TMEM164: variants seen among roughly 807,000 people sequenced by gnomAD.
TMEM164 encodes the protein transmembrane protein 164, also known as RP13-360B22.2.
In TMEM164, 4 loss-of-function variants were observed where a neutral mutation model predicts 18.8. The observed-to-expected ratio is 0.21, with a 90% CI of 0.10 to 0.49. The LOEUF (loss-of-function observed/expected upper bound fraction) is 0.49, where lower values mean the gene tolerates loss of function less well. Among genes scored for constraint, TMEM164 ranks in the 20% least tolerant of loss-of-function variants. TMEM164 has a pLI of 0.98. For missense variants in TMEM164, 108 were observed against 239.9 expected, an observed-to-expected ratio of 0.45 and a Z score of 3.63; for synonymous variants, 86 against 101.7, an observed-to-expected ratio of 0.85 and a Z score of 0.93.
chrX:110,047,398 T>G (rs1257959728), intron 2 of TMEM164, among the ~76,000 whole-genome samples: 1 of 112,330 alleles, frequency 8.9e-6, no homozygotes, highest in Non-Finnish European at 1.9e-5. Flanking sequence ...AGACTTGGCT[T>G]GCATCCGTGT....
Position 110,084,431 on chromosome X carries a change from G to C in TMEM164, c.440+17035G>C, listed in dbSNP as rs1297849747. On this transcript the variant is annotated intron_variant, in intron 3 of 6. Coordinates refer to ENST00000372068, the MANE Select transcript of TMEM164 (RefSeq NM_032227.4). ...ATATAGTGTATATATATATAGTATAGTATATATATATAGTATATATATATA... is the reference window on the plus strand; with the variant it reads ...ATATAGTGTATATATATATAGTATACTATATATATATAGTATATATATATA... Among the ~76,000 whole-genome samples the C allele has an allele frequency of 2.2e-3, 154 of 69,752 alleles. 1 individual carries two copies. Among genetic ancestry groups the C allele is most frequent in the African/African-American group, 8.2e-3 (146 of 17,806 alleles). 60.6% of individuals were successfully genotyped at this position (69,752 alleles called of 115,157 possible).
At chrX:110,033,704 A>ATCGG (rs1934628389) in intron 2 of TMEM164, among the ~76,000 whole-genome samples, 1 of 111,419 alleles carries the variant, frequency 9.0e-6, no homozygotes, top group Non-Finnish European at 1.9e-5. Flanking sequence ...GAGGGTGGGT[A>ATCGG]GATCTAAGGA....
chrX:110,034,786 C>G (rs1242514945), intron 2 of TMEM164, among the ~76,000 whole-genome samples: 4 of 102,920 alleles, frequency 3.9e-5, no homozygotes, highest in African/African-American at 1.4e-4. Flanking sequence ...TTTATTGCGG[C>G]ACTATTCACA....
At chrX:110,022,242 G>C (rs1325955083) in intron 2 of TMEM164, among the ~76,000 whole-genome samples, 1 of 109,327 alleles carries the variant, frequency 9.1e-6, no homozygotes, top group African/African-American at 3.5e-5. Flanking sequence ...TCTCAATATA[G>C]TTATTTCCTC....
chrX:110,140,547 G>A (rs962173754), intron 4 of TMEM164, among the ~76,000 whole-genome samples: 20 of 111,465 alleles, frequency 1.8e-4, no homozygotes, highest in African/African-American at 6.2e-4. Flanking sequence ...TGTAGAGTGG[G>A]AGGAAGGAGG....
chrX:110,003,113 C>A (rs1332228346), upstream of TMEM164: 1 of 112,332 alleles, frequency 8.9e-6, no homozygotes, highest in Non-Finnish European at 1.9e-5. Context: ...CCGTCGGCGG[C>A]GAAGTTGCTA....
At chrX:110,172,889 G>A (rs973105812) in intron 6 of TMEM164, among the ~76,000 whole-genome samples, 4 of 112,059 alleles carry the variant, frequency 3.6e-5, no homozygotes, top group African/African-American at 1.3e-4. Context: ...TTGCAGTTAC[G>A]TGGAGGCAGG....
At chrX:110,128,348 C>G (rs2066564301) in intron 4 of TMEM164, among the ~76,000 whole-genome samples, 1 of 112,456 alleles carries the variant, frequency 8.9e-6, no homozygotes, top group African/African-American at 3.2e-5. Context: ...AAGGTTCATT[C>G]ATAATACAGG....
intron 2 of TMEM164, among the ~76,000 whole-genome samples, chrX:110,045,342 GT>G (rs1366994654): frequency 8.9e-6 from 1 of 112,069 alleles, no homozygotes; most frequent in Non-Finnish European, 1.9e-5. Flanking sequence ...AGGGGGCTAA[GT>G]TTTTAGGGTT....
intron 3 of TMEM164, among the ~76,000 whole-genome samples, chrX:110,088,162 C>T (rs1183050988): frequency 3.6e-5 from 4 of 112,132 alleles, no homozygotes; most frequent in African/African-American, 1.3e-4. Context: ...ATTCAGACCT[C>T]AGGTCTCTAG....
At chrX:110,049,870 T>G (rs1935474216) in intron 2 of TMEM164, among the ~76,000 whole-genome samples, 1 of 111,093 alleles carries the variant, frequency 9.0e-6, no homozygotes, top group Non-Finnish European at 1.9e-5. Flanking sequence ...TAGGACACAC[T>G]TCAGGAGTCC....
At chrX:110,022,497 A>G (rs1357347683) in intron 2 of TMEM164, among the ~76,000 whole-genome samples, 1 of 111,227 alleles carries the variant, frequency 9.0e-6, no homozygotes, top group Non-Finnish European at 1.9e-5. Context: ...GCATATAGGT[A>G]TTTGATCATT....
chrX:110,055,766 G>A (rs1264925075), intron 2 of TMEM164, among the ~76,000 whole-genome samples: 6 of 111,150 alleles, frequency 5.4e-5, no homozygotes. Flanking sequence ...TGAGTCAGGA[G>A]GAGAGAATCT....
rs1936069281 is a variant in TMEM164, at chrX:110,060,383, T to C, written c.391-6964T>C. 1.8e-5 allele frequency among the ~76,000 whole-genome samples: 2 copies of C among 110,688 alleles called. 1 individual carries two copies. The highest frequency in any genetic ancestry group is 1.9e-4 in the Admixed American group (2 of 10,451). ...GGGGATCAGGGGTAACTCTGAGGTG[T>C]GAAGAGAGGCTAATGGATTAGATTA... On this transcript the variant is annotated intron_variant, in intron 2 of 6. Coordinates refer to ENST00000372068, the MANE Select transcript of TMEM164 (RefSeq NM_032227.4).
intron 4 of TMEM164, among the ~76,000 whole-genome samples, chrX:110,122,449 T>G (rs2066465150): frequency 1.1e-5 from 1 of 93,392 alleles, no homozygotes; most frequent in Non-Finnish European, 2.1e-5. Context: ...GGGGGAGGGA[T>G]AGCTTTAGGA....
In TMEM164 at chrX:110,175,937, G is replaced by A. The variant is rs2795995; in HGVS notation, c.*2486G>A. On this transcript the variant is annotated 3_prime_UTR_variant, in exon 7 of 7. Coordinates refer to ENST00000372068, the MANE Select transcript of TMEM164 (RefSeq NM_032227.4). ...ATAGGGTAGCCCTCATATCTGCCCT[G>A]TGCCGGCCCTCTACTGCCCCAGCTT... The A allele has an allele frequency of 0.35, 262,745 of 753,226 alleles. 39,032 individuals are homozygous for A. Among genetic ancestry groups the A allele is most frequent in the African/African-American group, 0.9 (38,603 of 42,786 alleles). 62.1% of individuals were successfully genotyped at this position (753,226 alleles called of 1,213,427 possible).
intron 4 of TMEM164, among the ~76,000 whole-genome samples, chrX:110,140,091 G>A (rs908990749): frequency 1.2e-4 from 13 of 111,659 alleles, no homozygotes; most frequent in Non-Finnish European, 1.9e-4. Flanking sequence ...ACAAAGGAAT[G>A]TTGGAAAGGC....
intron 3 of TMEM164, among the ~76,000 whole-genome samples, chrX:110,090,407 G>A (rs2065908622): frequency 9.1e-6 from 1 of 109,398 alleles, no homozygotes; most frequent in Non-Finnish European, 1.9e-5. Flanking sequence ...CTGGGTTCCA[G>A]CGATTCTCCT....
Position 110,119,188 on chromosome X carries a change from T to C in TMEM164, c.507+10042T>C, listed in dbSNP as rs760476638. Among the ~76,000 whole-genome samples the C allele has an allele frequency of 5.3e-5, 6 of 112,448 alleles. No individual in the cohort carries two copies. The South Asian group carries it at 2.2e-3, about 41-fold the overall frequency. ...TAAATTTTAAAAAAATCATCACCAA[T>C]GCAAAGGTGATTATTTTTCTGGACA... is the stretch of plus-strand genomic sequence containing the variant. On this transcript the variant is annotated intron_variant, in intron 4 of 6. Coordinates refer to ENST00000372068, the MANE Select transcript of TMEM164 (RefSeq NM_032227.4).
Sources: allele counts gnomAD v4.1 joint callset (sites outside exome capture counted in the v4.1 genomes callset), GRCh38; gene constraint gnomAD v4.1.1; transcripts MANE v1.5; gene names NCBI Gene and HGNC (gene_info 2026-07-23, HGNC 2026-07-21).